Variants in AGBL4 observed in about 807,000 individuals in gnomAD.
AGBL4 encodes the protein AGBL carboxypeptidase 4.
Under a neutral mutation model 66.4 loss-of-function variants are expected in AGBL4, and 58 were observed. That is an observed-to-expected ratio of 0.87 (90% CI 0.71 to 1.09). The LOEUF (loss-of-function observed/expected upper bound fraction) is 1.09, where lower values mean the gene tolerates loss of function less well. Among genes scored for constraint, AGBL4 ranks in the 50% least tolerant of loss-of-function variants. The probability of loss-of-function intolerance (pLI) is 0.00; values close to 1 mark genes in which losing one functional copy is unlikely to be tolerated. For synonymous variants in AGBL4, 234 were observed against 222.9 expected (o/e 1.05, Z -0.44); for missense variants, 579 against 631.0 (o/e 0.92, Z 0.88).
At chr1:48,587,621 A>ATATAT (rs1442106780) in intron 10 of AGBL4, among the ~76,000 whole-genome samples, 1 of 148,338 alleles carries the variant, frequency 6.7e-6, no homozygotes, top group African/African-American at 2.5e-5. Context: ...TTATTATTTT[A>ATATAT]TTTATTTTAT....
intron 3 of AGBL4, among the ~76,000 whole-genome samples, chr1:49,280,361 T>C (rs959273882): frequency 2.6e-5 from 4 of 152,202 alleles, no homozygotes; most frequent in Non-Finnish European, 5.9e-5. Context: ...TTTACTGCAA[T>C]GCCATGGTCT....
chr1:49,342,610 G>T (rs1462823705), intron 3 of AGBL4, among the ~76,000 whole-genome samples: 1 of 152,126 alleles, frequency 6.6e-6, no homozygotes, highest in Non-Finnish European at 1.5e-5. Flanking sequence ...CTTTTGAAAG[G>T]CTTCTGGGAA....
intron 4 of AGBL4, among the ~76,000 whole-genome samples, chr1:49,182,081 G>A (rs1646939695): frequency 6.6e-6 from 1 of 152,068 alleles, no homozygotes. Context: ...TAGAAGAATT[G>A]GACAAAAAAT....
intron 6 of AGBL4, among the ~76,000 whole-genome samples, chr1:48,676,278 TG>T (rs982573742): frequency 6.6e-6 from 1 of 152,200 alleles, no homozygotes; most frequent in African/African-American, 2.4e-5. Flanking sequence ...AAGGCTTGAG[TG>T]GGGGGTCTGA....
chr1:49,614,256 C>T lies in AGBL4; in HGVS notation c.282+83057G>A, dbSNP rs566285911. 5.9e-5 allele frequency among the ~76,000 whole-genome samples: 9 copies of T among 152,224 alleles called. No homozygotes were observed. The South Asian group carries it at 1.9e-3, about 32-fold the overall frequency. On this transcript the variant is annotated intron_variant, in intron 3 of 13. Transcript: ENST00000371839. ...ATAACCACTATCCTGAATTTTAATACTATAGACTAGTTTTGTTGTTTCTAA... is the reference window on the plus strand; with the variant it reads ...ATAACCACTATCCTGAATTTTAATATTATAGACTAGTTTTGTTGTTTCTAA...
chr1:49,654,219 T>C (rs552157195), intron 3 of AGBL4, among the ~76,000 whole-genome samples: 3 of 152,276 alleles, frequency 2.0e-5, no homozygotes, highest in South Asian at 4.1e-4. Flanking sequence ...TCAATTTCCA[T>C]GTAGTTCAGC....
chr1:48,776,780 C>A lies in AGBL4; in HGVS notation c.634+90411G>T, dbSNP rs1426023932. ...GGGCTGAAGTCGCGCACGCACGACA[C>A]GGGCAGCGCGTAGCAGACGTTGTCC... On this transcript the variant is annotated intron_variant, in intron 6 of 13. Coordinates refer to ENST00000371839, the MANE Select transcript of AGBL4 (RefSeq NM_032785.4). The A allele has an allele frequency of 3.9e-6, 6 of 1,523,692 alleles. No homozygotes were observed. The highest frequency in any genetic ancestry group is 4.2e-5 in the Admixed American group (2 of 47,878). 94.4% of individuals were successfully genotyped at this position (1,523,692 alleles called of 1,614,324 possible).
intron 3 of AGBL4, among the ~76,000 whole-genome samples, chr1:49,378,172 T>C (rs1407778374): frequency 1.3e-5 from 2 of 152,038 alleles, no homozygotes; most frequent in African/African-American, 4.8e-5. Flanking sequence ...GATTTTTGAA[T>C]TGTACAAGTA....
intron 6 of AGBL4, chr1:48,759,205 C>A: frequency 6.2e-7 from 1 of 1,610,538 alleles, no homozygotes. Context: ...CAGGCTCAGG[C>A]CGTTCTGCTT....
intron 4 of AGBL4, among the ~76,000 whole-genome samples, chr1:49,235,529 G>A (rs1650657760): frequency 1.3e-5 from 2 of 152,144 alleles, no homozygotes; most frequent in Non-Finnish European, 2.9e-5. Context: ...AGGGCCCAAG[G>A]CTCTGTTGTG....
chr1:49,827,146 G>A (rs890562557), intron 2 of AGBL4, among the ~76,000 whole-genome samples: 7 of 152,076 alleles, frequency 4.6e-5, no homozygotes, highest in Admixed American at 1.3e-4. Context: ...AAACATTTTA[G>A]ACTATTACAA....
intron 3 of AGBL4, among the ~76,000 whole-genome samples, chr1:49,599,460 C>CT (rs1310704673): frequency 2.6e-5 from 4 of 152,060 alleles, no homozygotes; most frequent in African/African-American, 9.7e-5. Context: ...TCCCCTTTAT[C>CT]TTTTTTTATT....
intron 4 of AGBL4, among the ~76,000 whole-genome samples, chr1:49,231,690 C>T (rs933670442): frequency 1.3e-5 from 2 of 152,168 alleles, no homozygotes; most frequent in African/African-American, 4.8e-5. Flanking sequence ...ACCTCACACA[C>T]ACATATACCA....
At chr1:49,032,165 A>C (rs1664282696) in intron 5 of AGBL4, among the ~76,000 whole-genome samples, 1 of 152,152 alleles carries the variant, frequency 6.6e-6, no homozygotes, top group Non-Finnish European at 1.5e-5. Context: ...GGGAAGTGGG[A>C]TAGAGATAGG....
intron 11 of AGBL4, chr1:48,583,913 T>C (rs1401458736): frequency 6.6e-6 from 1 of 151,280 alleles, no homozygotes; most frequent in Non-Finnish European, 1.5e-5. Context: ...CTTGCATGCA[T>C]TGAATCGGCC....
chr1:49,241,376 A>G (rs1651219401), intron 4 of AGBL4, among the ~76,000 whole-genome samples: 1 of 152,048 alleles, frequency 6.6e-6, no homozygotes, highest in Middle Eastern at 3.2e-3. Flanking sequence ...ATCAAAGATG[A>G]AATGTTCTCT....
At chr1:49,296,739 T>C (rs1158451232) in intron 3 of AGBL4, among the ~76,000 whole-genome samples, 4 of 152,132 alleles carry the variant, frequency 2.6e-5, no homozygotes, top group African/African-American at 9.7e-5. Context: ...ACATGAAAAA[T>C]AGGTACCTAG....
At chr1:49,731,277 G>T (rs1345615213) in intron 2 of AGBL4, among the ~76,000 whole-genome samples, 1 of 152,010 alleles carries the variant, frequency 6.6e-6, no homozygotes, top group African/African-American at 2.4e-5. Context: ...TGTATTATTA[G>T]CAGCCTAAGA....
chr1:48,973,710 C>T (rs774717057), intron 5 of AGBL4, among the ~76,000 whole-genome samples: 14 of 152,122 alleles, frequency 9.2e-5, no homozygotes, highest in Non-Finnish European at 1.9e-4. Context: ...CCTGCTCAAA[C>T]CTTTCTCCCC....
Sources: allele counts gnomAD v4.1 joint callset (sites outside exome capture counted in the v4.1 genomes callset), GRCh38; gene constraint gnomAD v4.1.1; transcripts MANE v1.5; gene names NCBI Gene and HGNC (gene_info 2026-07-23, HGNC 2026-07-21).